PTPRC: variants seen among roughly 807,000 people sequenced by gnomAD.
PTPRC encodes the protein receptor-type tyrosine-protein phosphatase C.
A neutral mutation model predicts 155.9 loss-of-function variants in PTPRC; 44 were observed. That is an observed-to-expected ratio of 0.28 (90% confidence interval 0.22 to 0.36). The LOEUF is 0.36. Ranked by LOEUF, PTPRC falls within the 10% of genes least tolerant of loss-of-function variation. PTPRC has a pLI of 1.00. For missense variants in PTPRC, 1,401 were observed against 1,564.6 expected (o/e 0.90, Z 1.76); for synonymous variants, 525 against 533.1 (o/e 0.98, Z 0.21).
At chr1:198,662,054 C>G (rs995659286) in intron 2 of PTPRC, among the ~76,000 whole-genome samples, 5 of 152,136 alleles carry the variant, frequency 3.3e-5, no homozygotes, top group African/African-American at 1.2e-4. Flanking sequence ...CCACCATGTC[C>G]AACTGGTCAG....
chr1:198,721,485 A>G (rs113684463), intron 14 of PTPRC, among the ~76,000 whole-genome samples: 1,550 of 152,236 alleles, frequency 0.01, 24 homozygotes, highest in African/African-American at 0.036. Flanking sequence ...AAATGTAATC[A>G]ATGATTCTTA....
At chr1:198,747,639 T>C (rs978141127) in intron 26 of PTPRC, among the ~76,000 whole-genome samples, 5 of 151,868 alleles carry the variant, frequency 3.3e-5, no homozygotes, top group African/African-American at 1.2e-4. Flanking sequence ...CTTTTCTGAC[T>C]AATTAGGAAC....
rs374378791 is a variant in PTPRC at position 198,672,270 on chromosome 1, T to C, written c.74-20077T>C. On this transcript the variant is annotated intron_variant, in intron 2 of 32. Transcript: ENST00000442510. Reference sequence around the variant, plus strand: ...GATGAGAATGTGGCACCTAGTCTTTTTGAGACCAGTGGGGTAGTTAGGCCC... The same window carrying C: ...GATGAGAATGTGGCACCTAGTCTTTCTGAGACCAGTGGGGTAGTTAGGCCC... Among the ~76,000 whole-genome samples, 4 of 152,296 alleles carry C rather than the reference T, an allele frequency of 2.6e-5. No homozygotes were observed. The East Asian group carries it at 7.7e-4, about 29-fold the overall frequency.
chr1:198,678,202 GT>G lies in PTPRC; in HGVS notation c.74-14144del, dbSNP rs532620913. Among the ~76,000 whole-genome samples the G allele has an allele frequency of 2.4e-3, 362 of 152,290 alleles. 1 individual carries two copies. The highest frequency in any genetic ancestry group is 8.4e-3 in the African/African-American group (351 of 41,554). On this transcript the variant is annotated intron_variant, in intron 2 of 32. Coordinates refer to ENST00000442510, the MANE Select transcript of PTPRC (RefSeq NM_002838.5). Reference sequence around the variant, plus strand: ...TGTTCTTCTATAAACTAACTACTGTGTAGGATACAAGGGATGCTGATTTCAC... The same window carrying G: ...TGTTCTTCTATAAACTAACTACTGTGAGGATACAAGGGATGCTGATTTCAC...
chr1:198,686,737 C>T (rs1337227342), intron 2 of PTPRC, among the ~76,000 whole-genome samples: 1 of 152,118 alleles, frequency 6.6e-6, no homozygotes, highest in Non-Finnish European at 1.5e-5. Flanking sequence ...ATTTATTGTG[C>T]ACTGGTTATA....
intron 20 of PTPRC, among the ~76,000 whole-genome samples, chr1:198,733,476 T>A (rs921970855): frequency 1.3e-5 from 2 of 151,850 alleles, no homozygotes; most frequent in Non-Finnish European, 2.9e-5. Context: ...CTTAAATTAA[T>A]GTTGAATTCT....
intron 11 of PTPRC, 83 bp from the exon 12 acceptor site, chr1:198,712,870 C>T: frequency 7.3e-7 from 1 of 1,364,760 alleles, no homozygotes; most frequent in Non-Finnish European, 1.0e-6. Context: ...ATATGGTTAT[C>T]AATAATGCAT....
At chr1:198,714,923 A>C in intron 12 of PTPRC, among the ~76,000 whole-genome samples, 1 of 152,208 alleles carries the variant, frequency 6.6e-6, no homozygotes, top group East Asian at 1.9e-4. Context: ...GAAAAAATGC[A>C]ATTGACATTA....
intron 2 of PTPRC, among the ~76,000 whole-genome samples, chr1:198,689,441 T>G (rs1247199992): frequency 1.3e-5 from 2 of 152,298 alleles, no homozygotes; most frequent in East Asian, 3.9e-4. Context: ...TGCTACACAT[T>G]TTGGTGACAA....
At chr1:198,660,029 C>CTATA (rs1557974711) in intron 2 of PTPRC, among the ~76,000 whole-genome samples, 34 of 33,086 alleles carry the variant, frequency 1.0e-3, no homozygotes, top group African/African-American at 4.3e-3. Context: ...ATATATATGT[C>CTATA]CATATATATA....
chr1:198,655,837 C>A (rs959529551), intron 2 of PTPRC, among the ~76,000 whole-genome samples: 3 of 151,960 alleles, frequency 2.0e-5, no homozygotes, highest in African/African-American at 7.3e-5. Context: ...CAACTGAGGG[C>A]AAAATTGCCT....
At position 198,716,298 on chromosome 1, in the gene PTPRC, A is replaced by G. The variant is rs973565489; in HGVS notation, c.1292-384A>G. Among the ~76,000 whole-genome samples the G allele has an allele frequency of 2.6e-5, 4 of 152,226 alleles. No homozygotes were observed. The East Asian group carries it at 7.7e-4, about 29-fold the overall frequency. On this transcript the variant is annotated intron_variant, in intron 12 of 32. Transcript: ENST00000442510. ...CCGATGTTCAAAGTTTGGAGGTTAC[A>G]TATCAGAAAAGGTTTTCTAAAAAAG... is the stretch of plus-strand genomic sequence containing the variant.
chr1:198,711,593 C>A (rs562947789), intron 11 of PTPRC, among the ~76,000 whole-genome samples: 1 of 152,140 alleles, frequency 6.6e-6, no homozygotes, highest in East Asian at 1.9e-4. Context: ...GGCACAAAAG[C>A]AAGAAACATA....
chr1:198,719,447 C>A (rs1052281309), intron 14 of PTPRC, among the ~76,000 whole-genome samples: 1 of 152,146 alleles, frequency 6.6e-6, no homozygotes, highest in Non-Finnish European at 1.5e-5. Context: ...TTCTTCACAG[C>A]ACTTTGTCTT....
At chr1:198,739,274 C>T (rs1487896343) in intron 23 of PTPRC, among the ~76,000 whole-genome samples, 1 of 110,702 alleles carries the variant, frequency 9.0e-6, no homozygotes, top group Non-Finnish European at 2.0e-5. Flanking sequence ...AAACAAAATA[C>T]ATAGAGTGGC....
intron 26 of PTPRC, 125 bp downstream of exon 26, chr1:198,744,328 C>G: frequency 3.2e-6 from 3 of 951,800 alleles, no homozygotes. Context: ...ACCAAAGGAG[C>G]ACAGATGAGA....
intron 29 of PTPRC, 82 bp downstream of exon 29, chr1:198,750,708 C>A: frequency 6.6e-7 from 1 of 1,521,392 alleles, no homozygotes; most frequent in Non-Finnish European, 9.1e-7. Flanking sequence ...GCTTCATCGC[C>A]ATACCCACGT....
intron 20 of PTPRC, among the ~76,000 whole-genome samples, chr1:198,733,444 A>G (rs1449871818): frequency 6.6e-6 from 1 of 151,822 alleles, no homozygotes; most frequent in African/African-American, 2.4e-5. Flanking sequence ...ATGTGTCATG[A>G]GATAGAAGTT....
At chr1:198,716,571 C>T (rs963616631) in intron 12 of PTPRC, 111 bp from the exon 13 acceptor site, 2 of 913,752 alleles carry the variant, frequency 2.2e-6, no homozygotes, top group Non-Finnish European at 3.5e-6. Context: ...TTCAATCACT[C>T]AATAGTTTGG....
Sources: allele counts gnomAD v4.1 joint callset (sites outside exome capture counted in the v4.1 genomes callset), GRCh38; gene constraint gnomAD v4.1.1; transcripts MANE v1.5; gene names NCBI Gene and HGNC (gene_info 2026-07-23, HGNC 2026-07-21).